MAF: variants seen among roughly 807,000 people sequenced by gnomAD.
The protein encoded by MAF is transcription factor Maf.
In MAF, 10 loss-of-function variants were observed where a neutral mutation model predicts 22.0. The observed-to-expected ratio is 0.45, with a 90% CI of 0.28 to 0.77. MAF has a LOEUF of 0.77. MAF is among the 30% of genes least tolerant of loss of function. The probability of loss-of-function intolerance (pLI) is 0.12; values close to 1 mark genes in which losing one functional copy is unlikely to be tolerated. For missense variants in MAF, 544 were observed against 548.4 expected (o/e 0.99, Z 0.08); for synonymous variants, 337 against 255.8 (o/e 1.32, Z -3.03).
chr16:79,211,710 G>A, the MAF span: 18 of 1,614,126 alleles, frequency 1.1e-5, no homozygotes, highest in African/African-American at 1.3e-5. Context: ...GCCCTCACCA[G>A]AAGCTCAGAG....
chr16:79,391,521 A>C, the MAF span, among the ~76,000 whole-genome samples: 3 of 152,144 alleles, frequency 2.0e-5, no homozygotes, highest in Admixed American at 2.0e-4. Flanking sequence ...AAATGGTGTA[A>C]AAATGAGGGG....
chr16:79,343,858 T>C, the MAF span, among the ~76,000 whole-genome samples: 1 of 152,314 alleles, frequency 6.6e-6, no homozygotes, highest in East Asian at 1.9e-4. Context: ...ACACTCTGTT[T>C]TTTCTTGATA....
At chr16:79,242,274 T>C in the MAF span, among the ~76,000 whole-genome samples, 1 of 150,808 alleles carries the variant, frequency 6.6e-6, no homozygotes, top group Non-Finnish European at 1.5e-5. Flanking sequence ...GACCCATAGG[T>C]GTGTGGTATT....
chr16:79,396,466 C>G, the MAF span, among the ~76,000 whole-genome samples: 1 of 152,176 alleles, frequency 6.6e-6, no homozygotes, highest in African/African-American at 2.4e-5. Flanking sequence ...CCCCAAGATG[C>G]AATGCACTCT....
At chr16:79,447,072 G>A in the MAF span, among the ~76,000 whole-genome samples, 2 of 52,394 alleles carry the variant, frequency 3.8e-5, no homozygotes, top group Non-Finnish European at 1.1e-4. Flanking sequence ...CTACATACAT[G>A]AGCAAAATTA....
the MAF span, among the ~76,000 whole-genome samples, chr16:79,329,827 A>C: frequency 1.3e-5 from 2 of 152,190 alleles, no homozygotes; most frequent in Admixed American, 1.3e-4. Context: ...TTCAAAACAA[A>C]TTTAACATCT....
downstream of MAF, among the ~76,000 whole-genome samples, chr16:79,590,212 G>T (rs1913110409): frequency 6.6e-6 from 1 of 152,094 alleles, no homozygotes; most frequent in Non-Finnish European, 1.5e-5. Flanking sequence ...TGGCGGAGGG[G>T]GGGATGATGG....
At chr16:79,322,686 G>T in the MAF span, among the ~76,000 whole-genome samples, 2 of 152,030 alleles carry the variant, frequency 1.3e-5, no homozygotes, top group Admixed American at 6.5e-5. Flanking sequence ...GAGCTTGTGG[G>T]TATCTAGGGG....
At chr16:79,552,657 G>A in the MAF span, among the ~76,000 whole-genome samples, 1 of 152,210 alleles carries the variant, frequency 6.6e-6, no homozygotes, top group African/African-American at 2.4e-5. Flanking sequence ...GTTCAGGACA[G>A]GATCTTGGCT....
the MAF span, among the ~76,000 whole-genome samples, chr16:79,386,817 A>C: frequency 6.6e-6 from 1 of 152,108 alleles, no homozygotes; most frequent in East Asian, 1.9e-4. Flanking sequence ...AAAAGAAGAC[A>C]GGGTTCCAGA....
the MAF span, among the ~76,000 whole-genome samples, chr16:79,501,474 C>T: frequency 1.3e-5 from 2 of 152,118 alleles, no homozygotes; most frequent in African/African-American, 2.4e-5. Context: ...GTCTTGTCTG[C>T]CTTTCCATTG....
At chr16:79,423,633 G>C in the MAF span, among the ~76,000 whole-genome samples, 2 of 152,200 alleles carry the variant, frequency 1.3e-5, no homozygotes, top group Non-Finnish European at 2.9e-5. Flanking sequence ...GAATTAGGCA[G>C]TTTCAACAGA....
At chr16:79,568,406 C>A in the MAF span, among the ~76,000 whole-genome samples, 58 of 152,268 alleles carry the variant, frequency 3.8e-4, no homozygotes, top group African/African-American at 1.4e-3. Flanking sequence ...ATGGGAAGGC[C>A]TGTAGGGAGC....
the MAF span, among the ~76,000 whole-genome samples, chr16:79,211,034 A>AGTGTGTGTGT: frequency 0.11 from 16,079 of 149,516 alleles, 1,048 homozygotes; most frequent in Admixed American, 0.21. Context: ...TATGGTGAGG[A>AGTGTGTGTGT]GTGTGTGTGT....
At chr16:79,469,682 T>G in the MAF span, among the ~76,000 whole-genome samples, 1 of 152,150 alleles carries the variant, frequency 6.6e-6, no homozygotes, top group Non-Finnish European at 1.5e-5. Context: ...CTGCAACCTC[T>G]ACCTCCCAGG....
chr16:79,221,349 T>C, the MAF span, among the ~76,000 whole-genome samples: 3 of 152,326 alleles, frequency 2.0e-5, no homozygotes, highest in African/African-American at 7.2e-5. Flanking sequence ...AATTCAGTCA[T>C]GTTACCGTTT....
chr16:79,273,999 G>T, the MAF span, among the ~76,000 whole-genome samples: 1 of 137,526 alleles, frequency 7.3e-6, no homozygotes, highest in Non-Finnish European at 1.5e-5. Context: ...CTGTCACCCA[G>T]GTTAGAGTGC....
chr16:79,295,866 G>A, the MAF span, among the ~76,000 whole-genome samples: 6 of 152,352 alleles, frequency 3.9e-5, no homozygotes, highest in Admixed American at 3.3e-4. Context: ...AGAAACTGAA[G>A]CCACGTTCTT....
chr16:79,331,221 G>C, the MAF span, among the ~76,000 whole-genome samples: 3 of 152,176 alleles, frequency 2.0e-5, no homozygotes, highest in Non-Finnish European at 4.4e-5. Flanking sequence ...TTAATCTTTT[G>C]CCTGGCCTGG....
Sources: allele counts gnomAD v4.1 joint callset (sites outside exome capture counted in the v4.1 genomes callset), GRCh38; gene constraint gnomAD v4.1.1; transcripts MANE v1.5; gene names NCBI Gene and HGNC (gene_info 2026-07-23, HGNC 2026-07-21).